The following LRRC4C variants were observed in gnomAD, a reference collection of about 807,000 sequenced individuals.
LRRC4C encodes the protein leucine-rich repeat-containing protein 4C.
LRRC4C carries 5 observed loss-of-function variants against 33.6 expected under a neutral mutation model. The ratio of observed to expected loss-of-function variants is 0.15; its 90% CI spans 0.08 to 0.31. LRRC4C has a LOEUF of 0.31. Ranked by LOEUF, LRRC4C falls within the 10% of genes least tolerant of loss-of-function variation. The pLI is 1.00. For synonymous variants in LRRC4C, 329 were observed against 302.0 expected (o/e 1.09, Z -0.93); for missense variants, 560 against 796.7 (o/e 0.70, Z 3.58).
intron 1 of LRRC4C, among the ~76,000 whole-genome samples, chr11:40,996,800 T>G (rs1194374237): frequency 1.3e-5 from 2 of 152,046 alleles, no homozygotes; most frequent in Non-Finnish European, 2.9e-5. Flanking sequence ...AGTACCAGAC[T>G]TTTTAAAATG....
In LRRC4C at chr11:41,448,310, T is replaced by TC. The variant is rs1278437374; in HGVS notation, c.-496+11120_-496+11121insG. On this transcript the variant is annotated intron_variant, in intron 1 of 6. Coordinates refer to ENST00000528697, the MANE Select transcript of LRRC4C (RefSeq NM_001258419.2). ...AATTAACATTTACATAGAGCTTTTT[T>TC]TTTTTTTTTTTTTGAGATGGAGTTT... Among the ~76,000 whole-genome samples the TC allele has an allele frequency of 5.5e-5, 8 of 145,816 alleles. No individual in the cohort carries two copies. In the Admixed American group the frequency reaches 5.5e-4, roughly 10 times the overall value.
intron 3 of LRRC4C, among the ~76,000 whole-genome samples, chr11:40,361,790 T>G (rs555406024): frequency 6.6e-6 from 1 of 152,206 alleles, no homozygotes; most frequent in South Asian, 2.1e-4. Flanking sequence ...CCCAAAAAAG[T>G]GCCCAAATAG....
intron 1 of LRRC4C, among the ~76,000 whole-genome samples, chr11:41,449,167 G>C (rs1028354281): frequency 3.3e-5 from 5 of 152,152 alleles, no homozygotes; most frequent in Admixed American, 6.6e-5. Flanking sequence ...TTAAAACCGT[G>C]TAAGTGTACA....
At chr11:40,425,820 G>T (rs1950691708) in intron 3 of LRRC4C, among the ~76,000 whole-genome samples, 1 of 152,060 alleles carries the variant, frequency 6.6e-6, no homozygotes, top group African/African-American at 2.4e-5. Context: ...CTGATATTTA[G>T]CTGTCTTAGG....
chr11:40,828,191 T>A (rs991582033), intron 2 of LRRC4C, among the ~76,000 whole-genome samples: 10 of 150,142 alleles, frequency 6.7e-5, no homozygotes, highest in Non-Finnish European at 1.2e-4. Context: ...AAAAACTAAA[T>A]ACAAAATATA....
intron 5 of LRRC4C, among the ~76,000 whole-genome samples, chr11:40,215,757 T>G (rs1863929052): frequency 6.6e-6 from 1 of 151,812 alleles, no homozygotes; most frequent in African/African-American, 2.4e-5. Context: ...CCACATAGAG[T>G]GCAAACACAA....
chr11:40,424,941 A>G (rs2137783812), intron 3 of LRRC4C, among the ~76,000 whole-genome samples: 1 of 152,290 alleles, frequency 6.6e-6, no homozygotes, highest in Non-Finnish European at 1.5e-5. Flanking sequence ...ACAAATGTCA[A>G]AAAGCAATCT....
At chr11:40,677,410 T>A (rs10837473) in intron 2 of LRRC4C, among the ~76,000 whole-genome samples, 20,562 of 151,844 alleles carry the variant, frequency 0.14, 1,723 homozygotes, top group Non-Finnish European at 0.18. Flanking sequence ...AAGACAAACA[T>A]ATGAACATAT....
chr11:40,710,808 G>C (rs368911631), intron 2 of LRRC4C, among the ~76,000 whole-genome samples: 4 of 152,206 alleles, frequency 2.6e-5, no homozygotes, highest in Non-Finnish European at 5.9e-5. Flanking sequence ...CCCAGAGGTG[G>C]AGTCTACAGA....
chr11:40,907,197 G>GTCTTTCTTTT (rs1565189894), intron 2 of LRRC4C, among the ~76,000 whole-genome samples: 4 of 152,230 alleles, frequency 2.6e-5, no homozygotes, highest in African/African-American at 4.8e-5. Flanking sequence ...CAGAGACTGA[G>GTCTTTCTTTT]ATGTAGAATG....
At chr11:41,122,144 T>C (rs1942469872) in intron 1 of LRRC4C, among the ~76,000 whole-genome samples, 1 of 152,078 alleles carries the variant, frequency 6.6e-6, no homozygotes, top group South Asian at 2.1e-4. Context: ...TGGATATACG[T>C]TGAAGAGAAA....
In LRRC4C at chr11:40,819,222, G is replaced by A. The variant is rs116693129; in HGVS notation, c.-407+114413C>T. Among the ~76,000 whole-genome samples, 696 of 152,038 alleles carry A rather than the reference G, an allele frequency of 4.6e-3. 2 individuals are homozygous for A. The highest frequency in any genetic ancestry group is 0.016 in the African/African-American group (659 of 41,464). On this transcript the variant is annotated intron_variant, in intron 2 of 6. Coordinates refer to ENST00000528697, the MANE Select transcript of LRRC4C (RefSeq NM_001258419.2). Reference sequence around the variant, plus strand: ...CAGATATGGGCAATTAAGAAGATAGGCAAAATACCTTCTGCAAAAACCCAC... The same window carrying A: ...CAGATATGGGCAATTAAGAAGATAGACAAAATACCTTCTGCAAAAACCCAC...
intron 5 of LRRC4C, among the ~76,000 whole-genome samples, chr11:40,149,923 C>A (rs1858049722): frequency 6.6e-6 from 1 of 152,074 alleles, no homozygotes; most frequent in Non-Finnish European, 1.5e-5. Flanking sequence ...GTTGCCACAC[C>A]AAATTACCAC....
intron 1 of LRRC4C, among the ~76,000 whole-genome samples, chr11:41,145,828 G>T (rs1420105523): frequency 6.6e-6 from 1 of 152,102 alleles, no homozygotes; most frequent in Non-Finnish European, 1.5e-5. Context: ...CAGTGACCTA[G>T]AAACACCTGC....
At chr11:40,216,683 G>A (rs561660604) in intron 5 of LRRC4C, among the ~76,000 whole-genome samples, 4 of 152,208 alleles carry the variant, frequency 2.6e-5, no homozygotes, top group South Asian at 2.1e-4. Context: ...GCATAAAAGC[G>A]TTCTGTGAAT....
In LRRC4C at chr11:41,147,014, G is replaced by C. The variant is rs956044983; in HGVS notation, c.-495-213291C>G. Among the ~76,000 whole-genome samples, 3 of 152,192 alleles carry C rather than the reference G, an allele frequency of 2.0e-5. No individual in the cohort carries two copies. The East Asian group carries it at 5.8e-4, about 29-fold the overall frequency. ...TTATTTTGTTTTACAGATCATGAAT[G>C]ATTCCAGTTTTTAAAAAATCACCTA... On this transcript the variant is annotated intron_variant, in intron 1 of 6. Coordinates refer to ENST00000528697, the MANE Select transcript of LRRC4C (RefSeq NM_001258419.2).
intron 2 of LRRC4C, among the ~76,000 whole-genome samples, chr11:40,899,927 T>G (rs775034042): frequency 9.2e-5 from 14 of 152,222 alleles, no homozygotes; most frequent in Non-Finnish European, 1.8e-4. Flanking sequence ...AATTAAAATG[T>G]ATGTGTCTGG....
chr11:40,827,586 A>T (rs1295990145), intron 2 of LRRC4C, among the ~76,000 whole-genome samples: 1 of 151,914 alleles, frequency 6.6e-6, no homozygotes, highest in Non-Finnish European at 1.5e-5. Flanking sequence ...ATATGTATCA[A>T]CATGTGAATT....
chr11:40,700,603 G>T (rs1329916465), intron 2 of LRRC4C, among the ~76,000 whole-genome samples: 2 of 152,090 alleles, frequency 1.3e-5, no homozygotes, highest in Non-Finnish European at 2.9e-5. Flanking sequence ...ACTTGCCCAA[G>T]ATTAAAAAGC....
Sources: allele counts gnomAD v4.1 joint callset (sites outside exome capture counted in the v4.1 genomes callset), GRCh38; gene constraint gnomAD v4.1.1; transcripts MANE v1.5; gene names NCBI Gene and HGNC (gene_info 2026-07-23, HGNC 2026-07-21).